The following SYNE3 variants were observed in gnomAD, a reference collection of about 807,000 sequenced individuals.
SYNE3 encodes nesprin-3.
In SYNE3, 100 loss-of-function variants were observed where a neutral mutation model predicts 111.2. That is an observed-to-expected ratio of 0.90 (90% confidence interval 0.77 to 1.06). The LOEUF is 1.06. Among genes scored for constraint, SYNE3 ranks in the 50% least tolerant of loss-of-function variants. The pLI is 0.00. For missense variants in SYNE3, 1,160 were observed against 1,240.3 expected (o/e 0.94, Z 0.97); for synonymous variants, 547 against 533.9 (o/e 1.02, Z -0.34).
chr14:95,436,478 C>A (rs1886092346), intron 15 of SYNE3, among the ~76,000 whole-genome samples: 1 of 152,196 alleles, frequency 6.6e-6, no homozygotes, highest in Admixed American at 6.5e-5. Context: ...TTCAGCCTAA[C>A]CTGCCATGCT....
In SYNE3 at chr14:95,436,802, C is replaced by A. The variant is rs372184224; in HGVS notation, c.2538+18G>T. ...GGTGCAAACCTTATGGATGAGGGAC[C>A]TTTCCTGGGGAACAGACCTGCAGCT... On this transcript the variant is annotated intron_variant, in intron 15 of 17. Coordinates refer to ENST00000682763, the MANE Select transcript of SYNE3 (RefSeq NM_152592.6). 1.9e-6 allele frequency: 3 copies of A among 1,612,732 alleles called. No individual in the cohort carries two copies. The highest frequency in any genetic ancestry group is 1.1e-5 in the South Asian group (1 of 91,054).
chr14:95,433,382 G>T lies in SYNE3; in HGVS notation c.2566C>A (p.Gln856Lys), dbSNP rs939347179. The change falls in exon 16 of 18, where the codon CAG becomes AAG. Residue 856 changes from glutamine (Q) to lysine (K), a missense_variant. Gln to Lys is a moderately conservative substitution (Grantham distance 53, BLOSUM62 1). Transcript: ENST00000682763. ...QELEARVPEG[Q>K]HLFENLLRLG... The stretch of plus-strand genomic sequence containing the variant: ...CGAAGGAGGTTCTCAAAGAGATGCT[G>T]ACCTTCTGGCACCCGAGCCTCCAGC... 6.2e-7 allele frequency: 1 copy of T among 1,614,006 alleles called. No individual in the cohort carries two copies. The highest frequency in any genetic ancestry group is 8.5e-7 in the Non-Finnish European group (1 of 1,180,018).
At chr14:95,469,644 G>A (rs551049612) in intron 2 of SYNE3, among the ~76,000 whole-genome samples, 10 of 151,936 alleles carry the variant, frequency 6.6e-5, no homozygotes, top group African/African-American at 2.2e-4. Flanking sequence ...TTGGGAGGTC[G>A]AGGCTGCAGT....
chr14:95,491,823 C>G (rs1889866240), intron 1 of SYNE3, among the ~76,000 whole-genome samples: 1 of 147,040 alleles, frequency 6.8e-6, no homozygotes. Context: ...AGATGTCCCA[C>G]AGAATGGAAC....
chr14:95,427,956 A>G (rs1566956832), intron 17 of SYNE3, among the ~76,000 whole-genome samples: 1 of 152,244 alleles, frequency 6.6e-6, no homozygotes, highest in Non-Finnish European at 1.5e-5. Context: ...TTGGTATTAC[A>G]GTAGCTCATT....
chr14:95,451,420 T>C, intron 7 of SYNE3: 1 of 152,176 alleles, frequency 6.6e-6, no homozygotes, highest in Non-Finnish European at 1.5e-5. Context: ...ATACCTGAAA[T>C]CTCAGTGAGA....
intron 17 of SYNE3, among the ~76,000 whole-genome samples, chr14:95,422,785 G>A (rs527856196): frequency 2.0e-5 from 3 of 152,332 alleles, no homozygotes; most frequent in South Asian, 4.1e-4. Context: ...ACTGAGCCAC[G>A]TGTTGGCCTC....
chr14:95,477,977 G>A (rs759192874), intron 1 of SYNE3, among the ~76,000 whole-genome samples: 1 of 152,178 alleles, frequency 6.6e-6, no homozygotes, highest in African/African-American at 2.4e-5. Flanking sequence ...AGGACAGTGG[G>A]GAAGCGTGGC....
rs755090703 is a variant in SYNE3 at position 95,446,049 on chromosome 14, T to C, written c.1492A>G (p.Met498Val). ...ESSRLKELLT[M>V]LQLKKDLLIG... ...AGGAGGTCTTTCTTCAGCTGCAGCA[T>C]CGTCAGCAGCTCTTTCAGGCGGGAG... Residue 498 changes from methionine to valine, a missense_variant, in exon 9 of 18, where the codon ATG (methionine) becomes GTG (valine). Coordinates refer to ENST00000682763, the MANE Select transcript of SYNE3 (RefSeq NM_152592.6). 1.9e-6 allele frequency: 3 copies of C among 1,614,114 alleles called. No homozygotes were observed. The South Asian group carries it at 3.3e-5, about 18-fold the overall frequency.
intron 9 of SYNE3, 70 bp from the exon 10 acceptor site, chr14:95,444,698 C>A: frequency 5.4e-6 from 8 of 1,473,644 alleles, no homozygotes; most frequent in Non-Finnish European, 7.2e-6. Flanking sequence ...AGACCCGACC[C>A]GTTCAGCCAG....
intron 1 of SYNE3, among the ~76,000 whole-genome samples, chr14:95,481,412 G>A (rs556973101): frequency 1.2e-4 from 19 of 152,276 alleles, no homozygotes; most frequent in South Asian, 6.2e-4. Flanking sequence ...GAGAAGCTGC[G>A]AGGAGACAAA....
At chr14:95,457,128 C>T (rs1385679751) in intron 5 of SYNE3, 49 bp downstream of exon 5, 1 of 1,542,856 alleles carries the variant, frequency 6.5e-7, no homozygotes, top group South Asian at 1.2e-5. Flanking sequence ...AACCCACCCT[C>T]TGTGACTGTC....
chr14:95,478,213 G>C (rs1342469275), intron 1 of SYNE3, among the ~76,000 whole-genome samples: 1 of 152,170 alleles, frequency 6.6e-6, no homozygotes, highest in Non-Finnish European at 1.5e-5. Context: ...TGCCTATTTT[G>C]CTTCAGTTCA....
intron 17 of SYNE3, among the ~76,000 whole-genome samples, chr14:95,425,472 C>T (rs557927008): frequency 5.9e-5 from 9 of 152,208 alleles, no homozygotes; most frequent in Admixed American, 5.2e-4. Flanking sequence ...AGGTGGAGAA[C>T]GGGATTTTCA....
Position 95,415,318 on chromosome 14 carries a change from A to C in SYNE3, c.*2508T>G, listed in dbSNP as rs1335213464. 1 of 110,300 alleles carries C rather than the reference A, an allele frequency of 9.1e-6. No individual in the cohort carries two copies. The highest frequency in any genetic ancestry group is 1.7e-5 in the Non-Finnish European group (1 of 58,528). The allele number at this position is 110,300 out of a possible 1,614,324, so 6.8% of individuals were successfully genotyped here. A position where few individuals can be genotyped will look rare whatever the true frequency, so the allele number is the denominator to read the frequency against. ...CCCTGCCACTGCTCTGACTTCCAGG[A>C]CTGGACATCTGGGCTTGGCTGCCTG... is the stretch of plus-strand genomic sequence containing the variant. On this transcript the variant is annotated 3_prime_UTR_variant, in exon 18 of 18. Transcript: ENST00000682763.
intron 10 of SYNE3, chr14:95,444,155 G>T (rs953305009): frequency 6.4e-5 from 23 of 359,862 alleles, no homozygotes; most frequent in African/African-American, 4.8e-4. Flanking sequence ...TAATCCCAAA[G>T]TTGGTTTAAC....
intron 4 of SYNE3, among the ~76,000 whole-genome samples, chr14:95,464,529 CA>C (rs993673357): frequency 6.6e-5 from 10 of 151,924 alleles, no homozygotes; most frequent in African/African-American, 2.2e-4. Context: ...AACAAACAAA[CA>C]AAAAAAACCA....
chr14:95,450,201 G>A, intron 7 of SYNE3, 96 bp from the exon 8 acceptor site: 1 of 1,413,166 alleles, frequency 7.1e-7, no homozygotes, highest in Admixed American at 2.2e-5. Context: ...GGCCCAGCAT[G>A]CACTGCTCCC....
At chr14:95,512,768 G>A (rs570144658) in intron 1 of SYNE3, among the ~76,000 whole-genome samples, 1 of 150,262 alleles carries the variant, frequency 6.7e-6, no homozygotes, top group East Asian at 2.0e-4. Flanking sequence ...TGAGGCAGGA[G>A]AATGGCGTAA....
Sources: gnomAD v4.1 joint callset for allele counts (sites outside exome capture counted in the v4.1 genomes callset) on GRCh38, gnomAD v4.1.1 for gene constraint, MANE v1.5 for transcripts, NCBI Gene and HGNC (gene_info 2026-07-23, HGNC 2026-07-21) for gene names.